The following GRIK4 variants were observed in gnomAD, a reference collection of about 807,000 sequenced individuals.
GRIK4 encodes the protein glutamate receptor ionotropic, kainate 4.
GRIK4 carries 40 observed loss-of-function variants against 104.9 expected under a neutral mutation model. The ratio of observed to expected loss-of-function variants is 0.38; its 90% CI spans 0.30 to 0.50. GRIK4 has a LOEUF of 0.50. GRIK4 is among the 20% of genes least tolerant of loss of function. GRIK4 has a pLI of 0.93. For synonymous variants in GRIK4, 485 were observed against 524.9 expected (o/e 0.92, Z 1.04); for missense variants, 1,047 against 1,308.1 (o/e 0.80, Z 3.08).
chr11:120,519,659 G>A lies in GRIK4; in HGVS notation c.-159+7772G>A, dbSNP rs142455265. Among the ~76,000 whole-genome samples the A allele has an allele frequency of 2.7e-3, 408 of 152,256 alleles. 1 individual carries two copies. The highest frequency in any genetic ancestry group is 9.5e-3 in the African/African-American group (393 of 41,530). On this transcript the variant is annotated intron_variant, in intron 1 of 20. Coordinates refer to ENST00000527524, the MANE Select transcript of GRIK4 (RefSeq NM_014619.5). The stretch of plus-strand genomic sequence containing the variant: ...CCCATTTTACAGATGAGGAAGCTGA[G>A]ATTCAGAGTAGATGATTCATTAGCC...
At chr11:120,968,489 C>T (rs545068991) in intron 19 of GRIK4, among the ~76,000 whole-genome samples, 1 of 152,310 alleles carries the variant, frequency 6.6e-6, no homozygotes, top group East Asian at 1.9e-4. Flanking sequence ...TTCTGCTCAG[C>T]ATGAATGATT....
intron 8 of GRIK4, among the ~76,000 whole-genome samples, chr11:120,850,671 G>C (rs1953952753): frequency 1.3e-5 from 2 of 152,312 alleles, no homozygotes; most frequent in East Asian, 3.9e-4. Flanking sequence ...TCTTGAAACT[G>C]CTGTGGCTAG....
chr11:120,645,229 C>A (rs150346726), intron 1 of GRIK4, among the ~76,000 whole-genome samples: 1 of 152,152 alleles, frequency 6.6e-6, no homozygotes, highest in South Asian at 2.1e-4. Context: ...CTCCTCTGAC[C>A]GTGCCTTGGC....
At chr11:120,726,610 G>C (rs1170174142) in intron 3 of GRIK4, among the ~76,000 whole-genome samples, 1 of 152,194 alleles carries the variant, frequency 6.6e-6, no homozygotes, top group African/African-American at 2.4e-5. Flanking sequence ...TGGGAAGGAG[G>C]TGGTGCCATT....
intron 3 of GRIK4, among the ~76,000 whole-genome samples, chr11:120,748,546 G>A (rs184924483): frequency 3.9e-5 from 6 of 152,170 alleles, no homozygotes; most frequent in African/African-American, 7.2e-5. Context: ...GAAGCACCTG[G>A]CACAGAGGAG....
intron 3 of GRIK4, among the ~76,000 whole-genome samples, chr11:120,741,942 G>A (rs554195272): frequency 4.6e-4 from 70 of 152,334 alleles, no homozygotes; most frequent in African/African-American, 1.7e-3. Context: ...TGGCTCTAGG[G>A]TAGCTGCAGC....
intron 3 of GRIK4, among the ~76,000 whole-genome samples, chr11:120,680,340 A>C (rs1950169077): frequency 1.7e-5 from 2 of 118,130 alleles, no homozygotes; most frequent in Non-Finnish European, 3.8e-5. Flanking sequence ...GGCCTCCCTA[A>C]GTGCTCCCTA....
chr11:120,969,434 G>A (rs1244907550), intron 19 of GRIK4, among the ~76,000 whole-genome samples: 1 of 152,126 alleles, frequency 6.6e-6, no homozygotes, highest in African/African-American at 2.4e-5. Flanking sequence ...AGTCAGTGCT[G>A]TGGGCAGGGC....
intron 3 of GRIK4, among the ~76,000 whole-genome samples, chr11:120,749,397 G>A (rs1432392621): frequency 6.6e-6 from 1 of 152,182 alleles, no homozygotes; most frequent in African/African-American, 2.4e-5. Flanking sequence ...GGCCCCGAGA[G>A]CCTCTATCTG....
At chr11:120,779,325 C>T (rs976839112) in intron 3 of GRIK4, among the ~76,000 whole-genome samples, 1 of 152,128 alleles carries the variant, frequency 6.6e-6, no homozygotes, top group Non-Finnish European at 1.5e-5. Flanking sequence ...CGGTCAGGAG[C>T]TGGAGAAAGG....
intron 1 of GRIK4, among the ~76,000 whole-genome samples, chr11:120,521,127 C>A (rs917185902): frequency 1.3e-5 from 2 of 151,812 alleles, no homozygotes; most frequent in Non-Finnish European, 2.9e-5. Context: ...TCACTCTCAC[C>A]CAGGCGAGAG....
rs938729861 is a variant in GRIK4 at position 120,903,214 on chromosome 11, C to T, written c.1273-2076C>T. ...CCCTGCCACCCCTGCTCCCAGCTGC[C>T]TGTCTGCATCCAGCCTCCCCTCTGC... On this transcript the variant is annotated intron_variant, in intron 12 of 20. Coordinates refer to ENST00000527524, the MANE Select transcript of GRIK4 (RefSeq NM_014619.5). The surrounding 1 kb of genome is among the most constrained non-coding windows in gnomAD (Gnocchi z 4.4). 6.6e-6 allele frequency among the ~76,000 whole-genome samples: 1 copy of T among 152,202 alleles called. No homozygotes were observed. Among genetic ancestry groups the T allele is most frequent in the Non-Finnish European group, 1.5e-5 (1 of 68,032 alleles).
chr11:120,525,927 A>T (rs898099246), intron 1 of GRIK4, among the ~76,000 whole-genome samples: 6 of 152,154 alleles, frequency 3.9e-5, no homozygotes, highest in Admixed American at 6.5e-5. Context: ...GGGGACAATG[A>T]AAAACCTAAT....
intron 1 of GRIK4, among the ~76,000 whole-genome samples, chr11:120,515,797 A>G (rs1947718352): frequency 6.6e-6 from 1 of 152,206 alleles, no homozygotes; most frequent in Non-Finnish European, 1.5e-5. Flanking sequence ...ATCCAGTATG[A>G]ACAAAAAACT....
At chr11:120,707,742 C>T (rs1442084554) in intron 3 of GRIK4, among the ~76,000 whole-genome samples, 1 of 152,202 alleles carries the variant, frequency 6.6e-6, no homozygotes, top group Non-Finnish European at 1.5e-5. Context: ...CCCAAGATGG[C>T]ACAGTTACAT....
chr11:120,682,872 C>G (rs1950219529), intron 3 of GRIK4, among the ~76,000 whole-genome samples: 1 of 151,990 alleles, frequency 6.6e-6, no homozygotes, highest in South Asian at 2.1e-4. Flanking sequence ...ACACACTTTT[C>G]CACCTCTGTC....
chr11:120,910,886 T>A (rs937615914), intron 13 of GRIK4, among the ~76,000 whole-genome samples: 1 of 152,094 alleles, frequency 6.6e-6, no homozygotes, highest in African/African-American at 2.4e-5. Context: ...GCCTGAATCT[T>A]TAAGGATGAA....
At chr11:120,696,792 C>T (rs538515860) in intron 3 of GRIK4, among the ~76,000 whole-genome samples, 14 of 152,180 alleles carry the variant, frequency 9.2e-5, no homozygotes, top group South Asian at 4.1e-4. Flanking sequence ...CCAATGGGAG[C>T]GCCCCCTAGA....
intron 1 of GRIK4, among the ~76,000 whole-genome samples, chr11:120,644,090 GTA>G (rs1949510482): frequency 1.3e-5 from 2 of 151,704 alleles, no homozygotes; most frequent in Non-Finnish European, 2.9e-5. Context: ...GAAAGTGTGT[GTA>G]TGTGTGATTC....
Sources: allele counts gnomAD v4.1 joint callset (sites outside exome capture counted in the v4.1 genomes callset), GRCh38; gene constraint gnomAD v4.1.1; non-coding constraint Gnocchi (gnomAD v3.1); transcripts MANE v1.5; gene names NCBI Gene and HGNC (gene_info 2026-07-23, HGNC 2026-07-21).